The following LRRC69 variants were observed in gnomAD, a reference collection of about 807,000 sequenced individuals.
The protein encoded by LRRC69 is leucine-rich repeat-containing protein 69.
LRRC69 carries 42 observed loss-of-function variants against 37.8 expected under a neutral mutation model. That is an observed-to-expected ratio of 1.11 (90% CI 0.87 to 1.44). The LOEUF (loss-of-function observed/expected upper bound fraction) is 1.44, where lower values mean the gene tolerates loss of function less well. Ranked by LOEUF, LRRC69 falls within the 40% of genes most tolerant of loss-of-function variation. The pLI is 0.00. For missense variants in LRRC69, 357 were observed against 401.9 expected (o/e 0.89, Z 0.96); for synonymous variants, 141 against 143.1 (o/e 0.99, Z 0.11).
chr8:91,102,645 A>G (rs770474743), upstream of LRRC69: 21 of 1,539,622 alleles, frequency 1.4e-5, no homozygotes, highest in Non-Finnish European at 1.8e-5. Flanking sequence ...CTTGTTTTCT[A>G]CTTCTTTTCC....
chr8:91,184,894 A>G (rs1203672036), intron 5 of LRRC69, among the ~76,000 whole-genome samples: 1 of 152,140 alleles, frequency 6.6e-6, no homozygotes, highest in Non-Finnish European at 1.5e-5. Flanking sequence ...GGCCAAAGAG[A>G]TAGTGCAGAA....
At chr8:91,127,836 A>G (rs978660330) in intron 3 of LRRC69, among the ~76,000 whole-genome samples, 5 of 151,992 alleles carry the variant, frequency 3.3e-5, no homozygotes, top group African/African-American at 1.2e-4. Context: ...AGCAGCATCC[A>G]GGGTTTTAAA....
intron 1 of LRRC69, among the ~76,000 whole-genome samples, chr8:91,121,092 C>A (rs1486972591): frequency 6.6e-6 from 1 of 151,886 alleles, no homozygotes; most frequent in Non-Finnish European, 1.5e-5. Context: ...TTACATCATA[C>A]AACATTCTGG....
At chr8:91,159,895 G>C (rs1485269749) in intron 5 of LRRC69, among the ~76,000 whole-genome samples, 29 of 151,052 alleles carry the variant, frequency 1.9e-4, no homozygotes, top group African/African-American at 7.0e-4. Flanking sequence ...GGATGAAAAT[G>C]ATTGTCATGT....
intron 7 of LRRC69, among the ~76,000 whole-genome samples, chr8:91,204,013 T>C (rs1220255535): frequency 2.0e-5 from 3 of 151,448 alleles, no homozygotes; most frequent in Non-Finnish European, 4.4e-5. Context: ...TCCCAGCTAC[T>C]TGGGATGCTG....
At chr8:91,154,670 A>G (rs994969900) in intron 5 of LRRC69, among the ~76,000 whole-genome samples, 5 of 151,798 alleles carry the variant, frequency 3.3e-5, no homozygotes, top group African/African-American at 9.7e-5. Flanking sequence ...ATAAAATTCA[A>G]CATCCCTTCA....
intron 1 of LRRC69, among the ~76,000 whole-genome samples, chr8:91,114,231 C>T (rs1248795704): frequency 6.6e-6 from 1 of 151,950 alleles, no homozygotes; most frequent in African/African-American, 2.4e-5. Context: ...TTGGTACAGT[C>T]ATTATGGAAA....
intron 5 of LRRC69, among the ~76,000 whole-genome samples, chr8:91,159,878 G>T (rs186916048): frequency 0.052 from 7,909 of 150,974 alleles, 298 homozygotes; most frequent in Middle Eastern, 0.16. Flanking sequence ...TCCTTAGAGT[G>T]TTCTTGGGAT....
At chr8:91,191,052 C>CCG (rs1554595707) in intron 6 of LRRC69, among the ~76,000 whole-genome samples, 1 of 145,348 alleles carries the variant, frequency 6.9e-6, no homozygotes, top group Non-Finnish European at 1.5e-5. Flanking sequence ...CCCCCCCCCC[C>CCG]CCAAGTCAAA....
At chr8:91,159,868 T>G (rs1402781433) in intron 5 of LRRC69, among the ~76,000 whole-genome samples, 1 of 150,220 alleles carries the variant, frequency 6.7e-6, no homozygotes, top group Non-Finnish European at 1.5e-5. Flanking sequence ...GTAAAATGTT[T>G]CCTTAGAGTG....
chr8:91,114,388 T>A (rs1057242790), intron 1 of LRRC69, among the ~76,000 whole-genome samples: 1 of 151,868 alleles, frequency 6.6e-6, no homozygotes, highest in Non-Finnish European at 1.5e-5. Flanking sequence ...AGCCAAGATA[T>A]GGGAACAACC....
chr8:91,162,586 G>C (rs1427790806), intron 5 of LRRC69, among the ~76,000 whole-genome samples: 1 of 151,048 alleles, frequency 6.6e-6, no homozygotes, highest in Non-Finnish European at 1.5e-5. Flanking sequence ...GCTCACTTTT[G>C]TTTTCCATTT....
chr8:91,132,495 T>C (rs1813825032), intron 3 of LRRC69, among the ~76,000 whole-genome samples: 1 of 152,072 alleles, frequency 6.6e-6, no homozygotes, highest in Non-Finnish European at 1.5e-5. Flanking sequence ...ATGTCAGTTC[T>C]TTAGAAAAAC....
intron 1 of LRRC69, 21 bp downstream of exon 1, chr8:91,102,865 G>C (rs1452481298): frequency 6.6e-7 from 1 of 1,524,760 alleles, no homozygotes; most frequent in Non-Finnish European, 8.8e-7. Flanking sequence ...GTGTTTTGCT[G>C]TTGTGGTTTG....
intron 5 of LRRC69, among the ~76,000 whole-genome samples, chr8:91,148,565 C>A (rs933108657): frequency 6.6e-6 from 1 of 151,860 alleles, no homozygotes; most frequent in Non-Finnish European, 1.5e-5. Context: ...GTCTTTATAG[C>A]AGCATGATTT....
At chr8:91,166,906 A>C (rs921812638) in intron 5 of LRRC69, among the ~76,000 whole-genome samples, 1 of 151,924 alleles carries the variant, frequency 6.6e-6, no homozygotes, top group African/African-American at 2.4e-5. Context: ...TCGTTTTCAG[A>C]CACAGAGCTG....
Position 91,127,467 on chromosome 8 carries a change from G to A in LRRC69, c.383+307G>A, listed in dbSNP as rs6997498. ...GGAGCTTGGTTAGCCACAGAATTGGGCACATTAAATGTTATTTCGCATGTG... is the reference window on the plus strand; with the variant it reads ...GGAGCTTGGTTAGCCACAGAATTGGACACATTAAATGTTATTTCGCATGTG... On this transcript the variant is annotated intron_variant, in intron 3 of 7. Transcript: ENST00000448384. Among the ~76,000 whole-genome samples the A allele has an allele frequency of 9.8e-3, 1,487 of 151,862 alleles. 30 individuals carry two copies. The highest frequency in any genetic ancestry group is 0.034 in the African/African-American group (1,409 of 41,488).
At chr8:91,140,564 C>T (rs1004140809) in intron 5 of LRRC69, among the ~76,000 whole-genome samples, 2 of 150,646 alleles carry the variant, frequency 1.3e-5, no homozygotes, top group African/African-American at 2.4e-5. Flanking sequence ...TAAAGAAATA[C>T]GTGTCTTGCT....
intron 5 of LRRC69, among the ~76,000 whole-genome samples, chr8:91,183,956 A>AT (rs1321884314): frequency 1.3e-5 from 2 of 151,890 alleles, no homozygotes; most frequent in South Asian, 2.1e-4. Context: ...TTTACCATTC[A>AT]TTTTTTTTAA....
Sources: allele counts gnomAD v4.1 joint callset (sites outside exome capture counted in the v4.1 genomes callset), GRCh38; gene constraint gnomAD v4.1.1; transcripts MANE v1.5; gene names NCBI Gene and HGNC (gene_info 2026-07-23, HGNC 2026-07-21).